Variants in EIF4E observed in about 807,000 individuals in gnomAD.
EIF4E encodes the protein eIF-4F 25 kDa subunit.
For synonymous variants in EIF4E, 71 were observed against 88.5 expected (o/e 0.80, Z 1.11); for missense variants, 113 against 265.6 (o/e 0.43, Z 3.99).
intron 1 of EIF4E, among the ~76,000 whole-genome samples, chr4:98,922,964 C>T (rs1230525802): frequency 4.0e-5 from 6 of 151,506 alleles, no homozygotes; most frequent in Non-Finnish European, 7.4e-5. Context: ...TCTTCTGCCT[C>T]AGCCTCCCAA....
intron 1 of EIF4E, among the ~76,000 whole-genome samples, chr4:98,920,154 T>C (rs1048938944): frequency 4.6e-5 from 7 of 152,190 alleles, no homozygotes; most frequent in African/African-American, 1.4e-4. Flanking sequence ...AGGCAGGAGA[T>C]AGGTTTTCCA....
chr4:98,901,443 C>CCCGCCTCCGCCTCCGCCTCCGCCT (rs370074056), intron 2 of EIF4E, among the ~76,000 whole-genome samples: 1 of 152,010 alleles, frequency 6.6e-6, no homozygotes, highest in African/African-American at 2.4e-5. Context: ...AGGTGATCCG[C>CCCGCCTCCGCCTCCGCCTCCGCCT]CCGCCTCCGC....
intron 2 of EIF4E, among the ~76,000 whole-genome samples, chr4:98,900,581 G>C (rs1054270111): frequency 6.6e-6 from 1 of 152,058 alleles, no homozygotes; most frequent in Non-Finnish European, 1.5e-5. Context: ...AACAAAAAAA[G>C]ACAAGAAATG....
At chr4:98,886,676 T>C (rs988469313) in intron 5 of EIF4E, 5 of 333,764 alleles carry the variant, frequency 1.5e-5, no homozygotes, top group African/African-American at 1.1e-4. Flanking sequence ...TAAATAAATA[T>C]CCGCACTCCA....
intron 1 of EIF4E, among the ~76,000 whole-genome samples, chr4:98,902,369 A>G (rs1035022262): frequency 6.6e-6 from 1 of 152,066 alleles, no homozygotes; most frequent in East Asian, 1.9e-4. Flanking sequence ...CACACCCGGC[A>G]CTAGTAGTAT....
intron 1 of EIF4E, among the ~76,000 whole-genome samples, chr4:98,920,512 C>G (rs112868093): frequency 0.05 from 7,536 of 152,044 alleles, 611 homozygotes; most frequent in African/African-American, 0.17. Flanking sequence ...CCAGGCTGGT[C>G]TCGAACTCCT....
chr4:98,893,625 A>T (rs1724246878), intron 2 of EIF4E, among the ~76,000 whole-genome samples: 1 of 152,226 alleles, frequency 6.6e-6, no homozygotes. Flanking sequence ...GCAACAATTC[A>T]GTAACATCTT....
chr4:98,904,979 G>A (rs780604445), intron 1 of EIF4E, among the ~76,000 whole-genome samples: 5 of 151,112 alleles, frequency 3.3e-5, no homozygotes, highest in East Asian at 3.9e-4. Context: ...TCATCTTTTC[G>A]TATGATCTAT....
intron 1 of EIF4E, among the ~76,000 whole-genome samples, chr4:98,918,939 G>A (rs568319062): frequency 5.3e-5 from 8 of 152,260 alleles, no homozygotes; most frequent in African/African-American, 1.9e-4. Context: ...ATCAGCTTCA[G>A]GAGACTGTGT....
intron 2 of EIF4E, among the ~76,000 whole-genome samples, chr4:98,893,278 T>C (rs1724235896): frequency 6.6e-6 from 1 of 152,268 alleles, no homozygotes; most frequent in Non-Finnish European, 1.5e-5. Flanking sequence ...ATCAGAGTAG[T>C]GGTTGCTGAA....
rs1040214902 is a variant in EIF4E at position 98,927,139 on chromosome 4, G to A, written c.18+1956C>T. 4.6e-5 allele frequency among the ~76,000 whole-genome samples: 7 copies of A among 152,264 alleles called. No individual in the cohort carries two copies. In the South Asian group the frequency reaches 6.2e-4, roughly 14 times the overall value. ...CATACTTATTCTTCATTAGTGTTAT[G>A]TAATATTAATGTCCTAAAGTCAGTT... On this transcript the variant is annotated intron_variant, in intron 1 of 6. Transcript: ENST00000450253.
intron 5 of EIF4E, 130 bp downstream of exon 5, chr4:98,886,949 T>C: frequency 2.2e-6 from 2 of 913,118 alleles, no homozygotes; most frequent in Non-Finnish European, 1.7e-6. Flanking sequence ...CAAAAATAAT[T>C]ACTGACCCTG....
intron 2 of EIF4E, among the ~76,000 whole-genome samples, chr4:98,899,053 C>T (rs1724536989): frequency 6.7e-6 from 1 of 148,538 alleles, no homozygotes; most frequent in Non-Finnish European, 1.5e-5. Flanking sequence ...TTAAAGACCT[C>T]TAAAAAAAAA....
At chr4:98,918,539 T>C (rs935279488) in intron 1 of EIF4E, among the ~76,000 whole-genome samples, 4 of 152,136 alleles carry the variant, frequency 2.6e-5, no homozygotes, top group Non-Finnish European at 4.4e-5. Flanking sequence ...CAACAGGGTT[T>C]AAAATTTTTC....
intron 3 of EIF4E, chr4:98,890,785 G>C (rs6830125): frequency 0.46 from 77,620 of 169,670 alleles, 19,348 homozygotes; most frequent in African/African-American, 0.67. Context: ...TACTGGCATT[G>C]CCTTGACAAA....
At chr4:98,906,501 A>G (rs1360883723) in intron 1 of EIF4E, among the ~76,000 whole-genome samples, 2 of 152,126 alleles carry the variant, frequency 1.3e-5, no homozygotes, top group Non-Finnish European at 2.9e-5. Context: ...TCATTTTACA[A>G]AAGTATTATA....
At chr4:98,912,120 C>T (rs1250773118) in intron 1 of EIF4E, among the ~76,000 whole-genome samples, 10 of 151,330 alleles carry the variant, frequency 6.6e-5, no homozygotes, top group African/African-American at 1.7e-4. Context: ...GGCATGGTGG[C>T]GCATGCCTGT....
intron 2 of EIF4E, among the ~76,000 whole-genome samples, chr4:98,895,902 A>T (rs965634849): frequency 6.6e-6 from 1 of 152,010 alleles, no homozygotes; most frequent in Non-Finnish European, 1.5e-5. Context: ...CATTTAAAAA[A>T]TTAGCCAGGC....
chr4:98,923,735 G>A (rs1725752493), intron 1 of EIF4E, among the ~76,000 whole-genome samples: 1 of 152,152 alleles, frequency 6.6e-6, no homozygotes, highest in East Asian at 1.9e-4. Context: ...TCTTGCTAAT[G>A]GCTAAGGATT....
Sources: gnomAD v4.1 joint callset for allele counts (sites outside exome capture counted in the v4.1 genomes callset) on GRCh38, gnomAD v4.1.1 for gene constraint, MANE v1.5 for transcripts, NCBI Gene and HGNC (gene_info 2026-07-23, HGNC 2026-07-21) for gene names.